Variants in RNF135 observed in about 807,000 individuals in gnomAD.
The protein encoded by RNF135 is E3 ubiquitin-protein ligase RNF135.
RNF135 carries 46 observed loss-of-function variants against 41.9 expected under a neutral mutation model. The ratio of observed to expected loss-of-function variants is 1.10; its 90% CI spans 0.87 to 1.40. The LOEUF (loss-of-function observed/expected upper bound fraction) is 1.40, where lower values mean the gene tolerates loss of function less well. Among genes scored for constraint, RNF135 ranks in the 40% most tolerant of loss-of-function variants. The pLI, the probability that RNF135 is intolerant of heterozygous loss-of-function variation, is 0.00. For missense variants in RNF135, 539 were observed against 549.8 expected (o/e 0.98, Z 0.20); for synonymous variants, 238 against 223.8 (o/e 1.06, Z -0.57).
intron 1 of RNF135, among the ~76,000 whole-genome samples, chr17:30,977,801 T>G (rs1210232713): frequency 1.3e-5 from 2 of 152,196 alleles, no homozygotes; most frequent in Non-Finnish European, 2.9e-5. Context: ...ACTCCTGACC[T>G]CAGGTGATCC....
the RNF135 span, among the ~76,000 whole-genome samples, chr17:30,963,429 C>A: frequency 6.6e-6 from 1 of 151,810 alleles, no homozygotes; most frequent in Non-Finnish European, 1.5e-5. Context: ...AAAAATACAA[C>A]AAATTAGCCG....
chr17:30,999,187 T>C lies in RNF135; in HGVS notation c.1295T>C (p.Val432Ala), dbSNP rs1481284135. ...GNYLIIKQVK[V>A] ...TACCTGATAATAAAGCAAGTAAAGG[T>C]GTAAGGTTTCCTAAGGGATTACAAC... Residue 432 changes from valine to alanine, a missense_variant, in exon 5 of 5, where the codon GTG becomes GCG. By Grantham distance (64) the Val-to-Ala change is moderately conservative. Coordinates refer to ENST00000328381, the MANE Select transcript of RNF135 (RefSeq NM_032322.4). The C allele has an allele frequency of 6.2e-7, 1 of 1,613,222 alleles. No individual in the cohort carries two copies. The highest frequency in any genetic ancestry group is 8.5e-7 in the Non-Finnish European group (1 of 1,180,012).
intron 1 of RNF135, 156 bp downstream of exon 1, chr17:30,971,601 AAAGTTCATAAAAGT>A: frequency 3.0e-6 from 4 of 1,352,292 alleles, no homozygotes; most frequent in Non-Finnish European, 3.8e-6. Flanking sequence ...GGCACTTTGG[AAAGTTCATAAAAGT>A]ATGAAGAAGT....
In RNF135 at chr17:30,971,303, T is replaced by C. The variant is rs1162271396; in HGVS notation, c.230T>C (p.Leu77Pro). Residue 77 changes from leucine to proline, a missense_variant, in exon 1 of 5, where the codon CTA (leucine) becomes CCA (proline). By Grantham distance (98) the Leu-to-Pro change is moderately conservative (BLOSUM62 -3). Transcript: ENST00000328381. The part of the protein sequence containing the change: ...AQQPHLRKNT[L>P]LQDLADKYRR... ...CAGCCGCACCTGCGGAAGAACACGC[T>C]ACTGCAGGACCTGGCCGACAAGTAC... 5.9e-6 allele frequency: 9 copies of C among 1,532,562 alleles called. No individual in the cohort carries two copies. Among genetic ancestry groups the C allele is most frequent in the African/African-American group, 4.3e-5 (3 of 70,334 alleles). The allele number at this position is 1,532,562 out of a possible 1,614,324, so 94.9% of individuals were successfully genotyped here. A position where few individuals can be genotyped will look rare whatever the true frequency, so the allele number is the denominator to read the frequency against.
intron 1 of RNF135, among the ~76,000 whole-genome samples, chr17:30,981,459 G>C (rs568254251): frequency 2.8e-4 from 43 of 152,162 alleles, no homozygotes; most frequent in Non-Finnish European, 5.9e-4. Context: ...TTCCTTCTCT[G>C]TTATCTTGAA....
chr17:30,962,038 G>T, the RNF135 span, among the ~76,000 whole-genome samples: 1 of 152,030 alleles, frequency 6.6e-6, no homozygotes, highest in South Asian at 2.1e-4. Flanking sequence ...CCTTAAATGA[G>T]CAGCCTACCC....
chr17:30,972,558 C>A, intron 1 of RNF135: 1 of 152,342 alleles, frequency 6.6e-6, no homozygotes. Flanking sequence ...ATTTCTCCTC[C>A]CTCTAGCCCC....
chr17:30,992,350 G>A (rs1367877510), intron 3 of RNF135, among the ~76,000 whole-genome samples: 2 of 151,508 alleles, frequency 1.3e-5, no homozygotes, highest in Admixed American at 6.6e-5. Context: ...TTACAGGTGT[G>A]AACCACCATG....
At chr17:30,984,970 A>G (rs1907485209) in intron 2 of RNF135, among the ~76,000 whole-genome samples, 1 of 152,174 alleles carries the variant, frequency 6.6e-6, no homozygotes, top group South Asian at 2.1e-4. Context: ...CACTCCACCT[A>G]ACAAGCTGTC....
chr17:30,990,292 G>A (rs752771845), intron 3 of RNF135, among the ~76,000 whole-genome samples: 8 of 152,124 alleles, frequency 5.3e-5, no homozygotes, highest in Non-Finnish European at 1.0e-4. Context: ...TGAGGCCAAG[G>A]AGGGTGGATC....
At position 30,971,311 on chromosome 17, in the gene RNF135, G is replaced by GACCT; in HGVS notation, c.239_242dup (p.Ala82ProfsTer123). ...CCTGCGGAAGAACACGCTACTGCAG[G>GACCT]ACCTGGCCGACAAGTACCGCCGCGC... On this transcript the variant is annotated frameshift_variant, in exon 1 of 5. Transcript: ENST00000328381. LOFTEE classifies it high-confidence loss of function. The GACCT allele has an allele frequency of 2.0e-6, 3 of 1,534,010 alleles. No individual in the cohort carries two copies. Among genetic ancestry groups the GACCT allele is most frequent in the Non-Finnish European group, 1.7e-6 (2 of 1,143,620 alleles).
chr17:30,972,636 G>A (rs908440764), intron 1 of RNF135: 4 of 152,162 alleles, frequency 2.6e-5, no homozygotes, highest in African/African-American at 9.7e-5. Flanking sequence ...AACTGGAATC[G>A]TTCAATGTTT....
At chr17:30,997,403 A>G (rs1051708312) in intron 4 of RNF135, 72 bp downstream of exon 4, 11 of 1,264,212 alleles carry the variant, frequency 8.7e-6, no homozygotes, top group Admixed American at 3.4e-5. Flanking sequence ...TCCTACATCC[A>G]TCTCCCTACT....
At chr17:30,998,633 T>A in intron 4 of RNF135, 29 bp from the exon 5 acceptor site, 1 of 1,608,528 alleles carries the variant, frequency 6.2e-7, no homozygotes, top group Non-Finnish European at 8.5e-7. Context: ...ACCGGCCATG[T>A]TCTTATTGTT....
At chr17:30,975,893 C>T in intron 1 of RNF135, 1 of 631,846 alleles carries the variant, frequency 1.6e-6, no homozygotes, top group Non-Finnish European at 2.9e-6. Flanking sequence ...TTTGGAATCC[C>T]AAGTTTGGGC....
chr17:30,995,158 C>A (rs902936289), intron 3 of RNF135, among the ~76,000 whole-genome samples: 2 of 151,316 alleles, frequency 1.3e-5, no homozygotes, highest in African/African-American at 4.8e-5. Context: ...GAGGCCGAGG[C>A]GGGTGGATCA....
chr17:30,998,520 G>A lies in RNF135; in HGVS notation c.770-142G>A, dbSNP rs141737682. On this transcript the variant is annotated intron_variant, in intron 4 of 4. Transcript: ENST00000328381. ...TCTGAAACATTTATCATTTCTTCCTGTTGGGTGATGTAGCAATTTTAATGC... is the reference window on the plus strand; with the variant it reads ...TCTGAAACATTTATCATTTCTTCCTATTGGGTGATGTAGCAATTTTAATGC... The A allele has an allele frequency of 1.9e-4, 156 of 802,240 alleles. 1 individual carries two copies. In the African/African-American group the frequency reaches 2.2e-3, roughly 11 times the overall value. 49.7% of individuals were successfully genotyped at this position (802,240 alleles called of 1,614,324 possible).
chr17:30,987,712 C>T (rs572435586), intron 2 of RNF135, among the ~76,000 whole-genome samples: 3 of 152,180 alleles, frequency 2.0e-5, no homozygotes, highest in East Asian at 3.9e-4. Flanking sequence ...TTAAAGTGCT[C>T]CATAACTCCA....
chr17:30,971,757 T>C lies in RNF135; in HGVS notation c.372+312T>C, dbSNP rs554170472. The C allele has an allele frequency of 5.7e-6, 7 of 1,229,912 alleles. No individual in the cohort carries two copies. In the African/African-American group the frequency reaches 1.1e-4, roughly 20 times the overall value. The allele number at this position is 1,229,912 out of a possible 1,614,324, so 76.2% of individuals were successfully genotyped here. A position where few individuals can be genotyped will look rare whatever the true frequency, so the allele number is the denominator to read the frequency against. On this transcript the variant is annotated intron_variant, in intron 1 of 4. Transcript: ENST00000328381. ...ACTTGTAAAATTGTGGTAAGATCTATATAACATTAAAACTGGCCATTTTAA... is the reference window on the plus strand; with the variant it reads ...ACTTGTAAAATTGTGGTAAGATCTACATAACATTAAAACTGGCCATTTTAA...
Sources: allele counts gnomAD v4.1 joint callset (sites outside exome capture counted in the v4.1 genomes callset), GRCh38; gene constraint gnomAD v4.1.1; transcripts MANE v1.5; gene names NCBI Gene and HGNC (gene_info 2026-07-23, HGNC 2026-07-21).